Variants in CAST observed in about 807,000 individuals in gnomAD.
The protein encoded by CAST is calpastatin.
In CAST, 76 loss-of-function variants were observed where a neutral mutation model predicts 119.6. The ratio of observed to expected loss-of-function variants is 0.64; its 90% CI spans 0.53 to 0.77. The LOEUF is 0.77. CAST is among the 30% of genes least tolerant of loss of function. The probability of loss-of-function intolerance (pLI) is 0.00; values close to 1 mark genes in which losing one functional copy is unlikely to be tolerated. For missense variants in CAST, 953 were observed against 946.5 expected (o/e 1.01, Z -0.09); for synonymous variants, 319 against 331.6 (o/e 0.96, Z 0.41).
At chr5:96,738,712 C>T (rs1762126929) in intron 11 of CAST, among the ~76,000 whole-genome samples, 1 of 151,968 alleles carries the variant, frequency 6.6e-6, no homozygotes, top group Non-Finnish European at 1.5e-5. Context: ...GCAGGCGGAT[C>T]ATCTGAGGTC....
At chr5:96,658,839 A>C (rs941996063), upstream of CAST, among the ~76,000 whole-genome samples, 1 of 152,190 alleles carries the variant, frequency 6.6e-6, no homozygotes, top group African/African-American at 2.4e-5. Flanking sequence ...GCAGTCCATA[A>C]GTGGCAGAGC....
the CAST span, chr5:96,421,821 TCAAA>T: frequency 1.1e-6 from 1 of 944,316 alleles, no homozygotes; most frequent in Non-Finnish European, 1.8e-6. Context: ...TATAATTTTC[TCAAA>T]CAAGATAAAA....
chr5:95,974,845 A>G, the CAST span, among the ~76,000 whole-genome samples: 1 of 152,354 alleles, frequency 6.6e-6, no homozygotes, highest in Middle Eastern at 3.4e-3. Flanking sequence ...AGAAATATAC[A>G]TTTTAAAATA....
the CAST span, among the ~76,000 whole-genome samples, chr5:96,372,720 C>T: frequency 2.6e-5 from 4 of 152,168 alleles, no homozygotes; most frequent in Admixed American, 1.3e-4. Flanking sequence ...TGCCAGATTT[C>T]TGCCTTTCCT....
intron 1 of CAST, among the ~76,000 whole-genome samples, chr5:96,655,641 C>T (rs1748147950): frequency 6.6e-6 from 1 of 152,192 alleles, no homozygotes; most frequent in Non-Finnish European, 1.5e-5. Flanking sequence ...TTTGCCTTAT[C>T]TTAGCTCATC....
the CAST span, among the ~76,000 whole-genome samples, chr5:96,203,053 T>C: frequency 6.6e-6 from 1 of 151,006 alleles, no homozygotes; most frequent in Non-Finnish European, 1.5e-5. Context: ...TTAGCATCTT[T>C]GTGTGTGTCT....
At chr5:96,588,680 A>T (rs1367295517) in intron 1 of CAST, among the ~76,000 whole-genome samples, 1 of 152,216 alleles carries the variant, frequency 6.6e-6, no homozygotes, top group Non-Finnish European at 1.5e-5. Context: ...ATCAATTTAC[A>T]CTTTGAAGCA....
At chr5:96,627,527 TA>T (rs1239439869) in intron 1 of CAST, among the ~76,000 whole-genome samples, 12 of 152,238 alleles carry the variant, frequency 7.9e-5, no homozygotes, top group Non-Finnish European at 1.6e-4. Flanking sequence ...ATAATTTTAC[TA>T]GTCTGTGAAA....
intron 16 of CAST, 131 bp downstream of exon 16, chr5:96,742,887 A>C: frequency 4.4e-6 from 3 of 683,490 alleles, no homozygotes; most frequent in East Asian, 5.5e-5. Flanking sequence ...ATTGTGCCTT[A>C]TTTATTGCTG....
the CAST span, among the ~76,000 whole-genome samples, chr5:96,130,857 C>T: frequency 2.6e-5 from 4 of 151,986 alleles, no homozygotes; most frequent in East Asian, 7.7e-4. Context: ...GTTTAGCCTA[C>T]AATTAAAAGA....
chr5:95,968,608 T>C, the CAST span, among the ~76,000 whole-genome samples: 1 of 152,166 alleles, frequency 6.6e-6, no homozygotes, highest in Non-Finnish European at 1.5e-5. Flanking sequence ...CAACATGTCA[T>C]GACAAAAAGC....
the CAST span, among the ~76,000 whole-genome samples, chr5:96,415,415 G>T: frequency 6.6e-6 from 1 of 152,156 alleles, no homozygotes; most frequent in African/African-American, 2.4e-5. Context: ...GAGGCTAAAG[G>T]TGATAACATC....
the CAST span, among the ~76,000 whole-genome samples, chr5:96,283,137 A>AAGAAAAAAAAG: frequency 7.5e-6 from 1 of 132,984 alleles, no homozygotes; most frequent in African/African-American, 2.9e-5. Context: ...CTCAAAAAAA[A>AAGAAAAAAAAG]AAAAAAAAGA....
chr5:96,461,018 C>T, the CAST span, among the ~76,000 whole-genome samples: 8 of 152,136 alleles, frequency 5.3e-5, no homozygotes, highest in Non-Finnish European at 1.0e-4. Context: ...AGCAAGCAAT[C>T]ACTCTCCATT....
the CAST span, among the ~76,000 whole-genome samples, chr5:96,492,846 T>A: frequency 2.0e-5 from 3 of 152,214 alleles, no homozygotes; most frequent in Non-Finnish European, 4.4e-5. Flanking sequence ...AGGAAATGAT[T>A]AATTACAGCA....
chr5:96,606,422 A>G (rs377579883), intron 1 of CAST, among the ~76,000 whole-genome samples: 4 of 152,236 alleles, frequency 2.6e-5, no homozygotes, highest in Non-Finnish European at 5.9e-5. Flanking sequence ...CAGGAATAAA[A>G]TGCATAGTGT....
the CAST span, among the ~76,000 whole-genome samples, chr5:96,343,125 C>A: frequency 6.6e-6 from 1 of 152,056 alleles, no homozygotes; most frequent in African/African-American, 2.4e-5. Flanking sequence ...TGCACTCATA[C>A]ATAGTTTGCA....
chr5:96,221,633 T>G, the CAST span, among the ~76,000 whole-genome samples: 19 of 152,008 alleles, frequency 1.2e-4, no homozygotes, highest in Non-Finnish European at 2.2e-4. Flanking sequence ...GGGAAAACAG[T>G]CCACACTCAT....
the CAST span, among the ~76,000 whole-genome samples, chr5:96,288,613 T>G: frequency 1.3e-5 from 2 of 152,204 alleles, no homozygotes; most frequent in African/African-American, 4.8e-5. Context: ...AAAAACATTT[T>G]TATATGGACT....
Sources: gnomAD v4.1 joint callset for allele counts (sites outside exome capture counted in the v4.1 genomes callset) on GRCh38, gnomAD v4.1.1 for gene constraint, MANE v1.5 for transcripts, NCBI Gene and HGNC (gene_info 2026-07-23, HGNC 2026-07-21) for gene names.